Variants in BORCS5 observed in about 807,000 individuals in gnomAD.
The protein encoded by BORCS5 is BLOC-1 related complex subunit 5.
In BORCS5, 17 loss-of-function variants were observed where a neutral mutation model predicts 22.1. That is an observed-to-expected ratio of 0.77 (90% confidence interval 0.53 to 1.15). The LOEUF is 1.15. BORCS5 is among the 50% of genes most tolerant of loss of function. BORCS5 has a pLI of 0.00. For missense variants in BORCS5, 247 were observed against 253.2 expected (o/e 0.98, Z 0.17); for synonymous variants, 117 against 99.8 (o/e 1.17, Z -1.03).
intron 2 of BORCS5, among the ~76,000 whole-genome samples, chr12:12,423,890 A>G (rs1388477432): frequency 2.0e-5 from 3 of 152,052 alleles, no homozygotes; most frequent in Non-Finnish European, 4.4e-5. Flanking sequence ...GGGTTTTGCC[A>G]TGTTGCCCAG....
intron 2 of BORCS5, among the ~76,000 whole-genome samples, chr12:12,376,222 T>C (rs1269643828): frequency 6.6e-6 from 1 of 151,760 alleles, no homozygotes; most frequent in Non-Finnish European, 1.5e-5. Context: ...TTGGGATTGC[T>C]TTGCTCTTCA....
At chr12:12,413,234 G>T (rs1472567067) in intron 2 of BORCS5, among the ~76,000 whole-genome samples, 1 of 97,708 alleles carries the variant, frequency 1.0e-5, no homozygotes, top group East Asian at 2.2e-4. Flanking sequence ...GCGGCCTTCC[G>T]CAGTGTTTGT....
At chr12:12,434,980 C>T (rs1942523568) in intron 2 of BORCS5, among the ~76,000 whole-genome samples, 1 of 152,120 alleles carries the variant, frequency 6.6e-6, no homozygotes, top group Non-Finnish European at 1.5e-5. Context: ...CTATTAATTG[C>T]CCTGCTACAT....
chr12:12,453,104 C>T (rs1172241616), intron 3 of BORCS5, among the ~76,000 whole-genome samples: 1 of 151,822 alleles, frequency 6.6e-6, no homozygotes, highest in Non-Finnish European at 1.5e-5. Context: ...AAGAAGGTGT[C>T]AGAAGCAAAA....
At position 12,357,392 on chromosome 12, in the gene BORCS5, C is replaced by T. The variant is rs150903234; in HGVS notation, c.-60C>T. 9.4e-4 allele frequency: 1,481 copies of T among 1,579,468 alleles called. 4 individuals are homozygous for T. The African/African-American group carries it at 0.017, about 18-fold the overall frequency. On this transcript the variant is annotated 5_prime_UTR_variant, in exon 1 of 4. Coordinates refer to ENST00000314565, the MANE Select transcript of BORCS5 (RefSeq NM_058169.6). ...GGTCCCTGGCCCCTGCCCTGTCGCC[C>T]GCCGCCGGAGCGGTGACCGCCCGGC...
At chr12:12,370,580 G>T (rs1326737797) in intron 2 of BORCS5, among the ~76,000 whole-genome samples, 1 of 151,964 alleles carries the variant, frequency 6.6e-6, no homozygotes, top group African/African-American at 2.4e-5. Context: ...ATATTCTATT[G>T]GAAGGAATAG....
Position 12,414,296 on chromosome 12 carries a change from C to A in BORCS5, c.203-21332C>A. ...AGTAGGGGCGGCCAGGCAGAGGCGC[C>A]CCTCACCTCCCGGACGGGGCGGCTG... On this transcript the variant is annotated intron_variant, in intron 2 of 3. Transcript: ENST00000314565. 2.9e-5 allele frequency among the ~76,000 whole-genome samples: 2 copies of A among 70,052 alleles called. 1 individual carries two copies. The highest frequency in any genetic ancestry group is 6.0e-5 in the Non-Finnish European group (2 of 33,352). 46.0% of individuals were successfully genotyped at this position (70,052 alleles called of 152,430 possible).
chr12:12,456,495 C>G (rs988784848), intron 3 of BORCS5, among the ~76,000 whole-genome samples: 22 of 152,314 alleles, frequency 1.4e-4, no homozygotes, highest in African/African-American at 4.3e-4. Flanking sequence ...AGCATCAAAG[C>G]TTATTTTATG....
At chr12:12,408,627 A>G (rs1304032388) in intron 2 of BORCS5, among the ~76,000 whole-genome samples, 1 of 152,138 alleles carries the variant, frequency 6.6e-6, no homozygotes, top group African/African-American at 2.4e-5. Flanking sequence ...TTTTCTGTGT[A>G]CTTCATATAA....
chr12:12,429,872 A>G (rs1166071494), intron 2 of BORCS5, among the ~76,000 whole-genome samples: 3 of 152,128 alleles, frequency 2.0e-5, no homozygotes, highest in Non-Finnish European at 4.4e-5. Context: ...GAGCTTCCTC[A>G]TGCACCTTAG....
chr12:12,422,387 G>GC (rs1297649261), intron 2 of BORCS5, among the ~76,000 whole-genome samples: 3 of 141,406 alleles, frequency 2.1e-5, no homozygotes, highest in Admixed American at 2.0e-4. Context: ...GCCCAGGCAG[G>GC]CAGATCACCT....
chr12:12,428,575 A>C (rs1942346328), intron 2 of BORCS5, among the ~76,000 whole-genome samples: 1 of 152,198 alleles, frequency 6.6e-6, no homozygotes, highest in South Asian at 2.1e-4. Context: ...AAACTAAAGA[A>C]GAAGTAGAAA....
chr12:12,470,107 G>T lies in BORCS5; in HGVS notation c.*4331G>T, dbSNP rs1305802835. On this transcript the variant is annotated 3_prime_UTR_variant, in exon 4 of 4. Transcript: ENST00000314565. ...GTTTATTGAGATGGAGTCTCGCTCTGTTGCCCAGGCTGGAGTGCAGTGGCA... is the reference window on the plus strand; with the variant it reads ...GTTTATTGAGATGGAGTCTCGCTCTTTTGCCCAGGCTGGAGTGCAGTGGCA... 1.3e-5 allele frequency among the ~76,000 whole-genome samples: 2 copies of T among 152,166 alleles called. No individual in the cohort carries two copies. The highest frequency in any genetic ancestry group is 4.8e-5 in the African/African-American group (2 of 41,416).
chr12:12,438,360 C>CAAAAAAAAAAAAAAAAAAAAAAAAAAAA (rs57737663), intron 3 of BORCS5, among the ~76,000 whole-genome samples: 3 of 23,810 alleles, frequency 1.3e-4, no homozygotes, highest in African/African-American at 3.5e-4. Context: ...GATTTCATCT[C>CAAAAAAAAAAAAAAAAAAAAAAAAAAAA]AAAAAAAAAA....
rs138161855 is a variant in BORCS5 at position 12,463,179 on chromosome 12, C to G, written c.361-2367C>G. 4.5e-4 allele frequency among the ~76,000 whole-genome samples: 68 copies of G among 152,278 alleles called. No homozygotes were observed. In the South Asian group the frequency reaches 7.7e-3, roughly 17 times the overall value. On this transcript the variant is annotated intron_variant, in intron 3 of 3. Coordinates refer to ENST00000314565, the MANE Select transcript of BORCS5 (RefSeq NM_058169.6). Reference sequence around the variant, plus strand: ...GCCTACAGTCACATCAAATGTGTTACAATGAGCATGTGTCTGGGGGTTCGT... The same window carrying G: ...GCCTACAGTCACATCAAATGTGTTAGAATGAGCATGTGTCTGGGGGTTCGT...
intron 2 of BORCS5, among the ~76,000 whole-genome samples, chr12:12,422,881 G>A (rs1372116284): frequency 3.3e-5 from 5 of 150,178 alleles, no homozygotes; most frequent in East Asian, 1.9e-4. Context: ...TTTTTTTAAT[G>A]TATCAGTCTC....
chr12:12,448,435 G>A (rs1198317564), intron 3 of BORCS5, among the ~76,000 whole-genome samples: 2 of 151,674 alleles, frequency 1.3e-5, no homozygotes, highest in African/African-American at 2.4e-5. Flanking sequence ...AGCTGGTCTC[G>A]AACTCCTGAC....
At chr12:12,395,817 C>T (rs1941325644) in intron 2 of BORCS5, among the ~76,000 whole-genome samples, 1 of 151,842 alleles carries the variant, frequency 6.6e-6, no homozygotes, top group African/African-American at 2.4e-5. Flanking sequence ...TGATGAAAGC[C>T]TGGGCTGGGG....
At chr12:12,408,701 C>T (rs1244480309) in intron 2 of BORCS5, among the ~76,000 whole-genome samples, 1 of 152,164 alleles carries the variant, frequency 6.6e-6, no homozygotes, top group Non-Finnish European at 1.5e-5. Context: ...CCTCAAGATT[C>T]ACCCATGTTG....
Sources: allele counts gnomAD v4.1 joint callset (sites outside exome capture counted in the v4.1 genomes callset), GRCh38; gene constraint gnomAD v4.1.1; transcripts MANE v1.5; gene names NCBI Gene and HGNC (gene_info 2026-07-23, HGNC 2026-07-21).